Variants in CYP3A43 observed in about 807,000 individuals in gnomAD.
CYP3A43 encodes cytochrome P450 family 3 subfamily A member 43.
CYP3A43 carries 45 observed loss-of-function variants against 58.0 expected under a neutral mutation model. That is an observed-to-expected ratio of 0.78 (90% CI 0.61 to 0.99). The LOEUF (loss-of-function observed/expected upper bound fraction) is 0.99. Ranked by LOEUF, CYP3A43 falls within the 50% of genes least tolerant of loss-of-function variation. The pLI is 0.00. For missense variants in CYP3A43, 593 were observed against 591.9 expected (o/e 1.00, Z -0.02); for synonymous variants, 191 against 201.4 (o/e 0.95, Z 0.44).
At chr7:99,833,325 G>GGT (rs886246984) in intron 1 of CYP3A43, among the ~76,000 whole-genome samples, 3 of 140,294 alleles carry the variant, frequency 2.1e-5, no homozygotes, top group Admixed American at 6.8e-5. Flanking sequence ...TTTCGTGGGA[G>GGT]GGGGGAGATC....
chr7:99,855,413 C>G (rs753777520), intron 7 of CYP3A43, 178 bp from the exon 8 acceptor site: 2 of 707,464 alleles, frequency 2.8e-6, no homozygotes, highest in Non-Finnish European at 4.3e-6. Flanking sequence ...TCTTGCTCAG[C>G]CATTGGCATG....
At chr7:99,851,349 A>G (rs932346797) in intron 7 of CYP3A43, among the ~76,000 whole-genome samples, 6 of 152,198 alleles carry the variant, frequency 3.9e-5, no homozygotes, top group African/African-American at 1.4e-4. Flanking sequence ...GTTTTATAGT[A>G]GTAATTCCAT....
intron 7 of CYP3A43, among the ~76,000 whole-genome samples, chr7:99,850,726 C>T (rs1243684992): frequency 1.3e-5 from 2 of 152,214 alleles, no homozygotes; most frequent in Non-Finnish European, 2.9e-5. Context: ...TAATCTAGCA[C>T]ACATCATATA....
intron 4 of CYP3A43, among the ~76,000 whole-genome samples, chr7:99,846,716 T>G (rs530443725): frequency 3.9e-5 from 6 of 152,328 alleles, no homozygotes; most frequent in South Asian, 4.1e-4. Flanking sequence ...GAAGGTTTTT[T>G]GTATATATTT....
At chr7:99,855,760 A>G in intron 8 of CYP3A43, 42 bp downstream of exon 8, 1 of 1,553,360 alleles carries the variant, frequency 6.4e-7, no homozygotes, top group Non-Finnish European at 8.7e-7. Flanking sequence ...TCACTTTTTT[A>G]TTATATTTTT....
chr7:99,849,279 T>A (rs1462289688), intron 6 of CYP3A43, among the ~76,000 whole-genome samples: 1 of 152,230 alleles, frequency 6.6e-6, no homozygotes, highest in Non-Finnish European at 1.5e-5. Flanking sequence ...GATTATTGGG[T>A]CTGTGTCTCC....
At chr7:99,853,257 A>T (rs583353) in intron 7 of CYP3A43, among the ~76,000 whole-genome samples, 15,647 of 152,120 alleles carry the variant, frequency 0.1, 1,633 homozygotes, top group African/African-American at 0.27. Context: ...TTGATTACTG[A>T]TTCAATGCCT....
chr7:99,854,971 G>A (rs149298495), intron 7 of CYP3A43, among the ~76,000 whole-genome samples: 20 of 151,234 alleles, frequency 1.3e-4, no homozygotes, highest in South Asian at 1.0e-3. Flanking sequence ...TGCAACTTGC[G>A]CCTCCCTGGT....
intron 2 of CYP3A43, 65 bp downstream of exon 2, chr7:99,836,611 G>C: frequency 8.3e-7 from 1 of 1,205,992 alleles, no homozygotes; most frequent in African/African-American, 1.5e-5. Flanking sequence ...AGTCCTATCA[G>C]TAAAAATGCT....
intron 6 of CYP3A43, among the ~76,000 whole-genome samples, chr7:99,849,154 GTCAAATTTAT>G (rs1161348758): frequency 5.9e-5 from 9 of 152,224 alleles, no homozygotes; most frequent in Non-Finnish European, 1.2e-4. Context: ...GTCTGGCAAT[GTCAAATTTAT>G]TGATTGGCCG....
At position 99,866,041 on chromosome 7, in the gene CYP3A43, T is replaced by A; in HGVS notation, c.*40T>A. 7.6e-7 allele frequency: 1 copy of A among 1,323,754 alleles called. No homozygotes were observed. The highest frequency in any genetic ancestry group is 1.1e-6 in the Non-Finnish European group (1 of 940,482). 82.0% of individuals were successfully genotyped at this position (1,323,754 alleles called of 1,614,324 possible). A position where few individuals can be genotyped will look rare whatever the true frequency, so the allele number is the denominator to read the frequency against. On this transcript the variant is annotated 3_prime_UTR_variant, in exon 13 of 13. Transcript: ENST00000354829. ...TTCCACTTTGTTCAAGAAAGCTGTATCCCAGAACACTAGACACTTCAAATT... is the reference window on the plus strand; with the variant it reads ...TTCCACTTTGTTCAAGAAAGCTGTAACCCAGAACACTAGACACTTCAAATT...
chr7:99,864,372 T>G (rs1235388209), intron 12 of CYP3A43, among the ~76,000 whole-genome samples: 1 of 148,822 alleles, frequency 6.7e-6, no homozygotes, highest in Non-Finnish European at 1.5e-5. Context: ...ATACAAGCTG[T>G]GCATCTTTTC....
chr7:99,855,651 A>T lies in CYP3A43; in HGVS notation c.731A>T (p.Asp244Val). Residue 244 changes from aspartate (D) to valine (V), a missense_variant, in exon 8 of 13, where the codon GAT becomes GTT. Coordinates refer to ENST00000354829, the MANE Select transcript of CYP3A43 (RefSeq NM_057095.3). ...EALNIGLFPK[D>V]VTHFLKNSIE... is the part of the protein sequence containing the mutation. The stretch of plus-strand genomic sequence containing the variant: ...CTAAATATCGGTTTGTTTCCAAAAG[A>T]TGTTACCCATTTTTTAAAAAATTCC... The T allele has an allele frequency of 6.2e-7, 1 of 1,613,576 alleles. No homozygotes were observed. The highest frequency in any genetic ancestry group is 1.3e-5 in the African/African-American group (1 of 75,022).
chr7:99,855,962 A>C (rs1337720870), intron 8 of CYP3A43, among the ~76,000 whole-genome samples: 1 of 152,260 alleles, frequency 6.6e-6, no homozygotes, highest in Admixed American at 6.5e-5. Context: ...TAAATAATGT[A>C]GAGATAGAAG....
chr7:99,839,021 T>C (rs2151595782), intron 2 of CYP3A43, 99 bp from the exon 3 acceptor site: 3 of 1,359,014 alleles, frequency 2.2e-6, no homozygotes, highest in Non-Finnish European at 2.1e-6. Context: ...GCAAGCCTAA[T>C]GGTAGCAAGT....
At chr7:99,845,534 C>T (rs780322626) in intron 4 of CYP3A43, among the ~76,000 whole-genome samples, 3 of 151,894 alleles carry the variant, frequency 2.0e-5, no homozygotes, top group East Asian at 1.9e-4. Context: ...GTTGGCCAGG[C>T]GGGTCTCAAA....
Position 99,849,699 on chromosome 7 carries a change from G to T in CYP3A43, c.670+5G>T. 1 of 1,574,874 alleles carries T rather than the reference G, an allele frequency of 6.3e-7. No individual in the cohort carries two copies. Among genetic ancestry groups the T allele is most frequent in the Non-Finnish European group, 8.6e-7 (1 of 1,167,396 alleles). The stretch of plus-strand genomic sequence containing the variant: ...ATCCCTTTTTACTCTTAATATGTAT[G>T]TGGACTTTTATGTTATTTCTCTCTC... On this transcript the variant is annotated splice_donor_5th_base_variant and intron_variant, in intron 7 of 12. Coordinates refer to ENST00000354829, the MANE Select transcript of CYP3A43 (RefSeq NM_057095.3).
rs1156344087 is a variant in CYP3A43 at position 99,849,695 on chromosome 7, G to T, written c.670+1G>T. The stretch of plus-strand genomic sequence containing the variant: ...TTGGATCCCTTTTTACTCTTAATAT[G>T]TATGTGGACTTTTATGTTATTTCTC... On this transcript the variant is annotated splice_donor_variant, in intron 7 of 12. Transcript: ENST00000354829. LOFTEE classifies it high-confidence loss of function. The T allele has an allele frequency of 6.3e-7, 1 of 1,579,214 alleles. No individual in the cohort carries two copies. The highest frequency in any genetic ancestry group is 8.6e-7 in the Non-Finnish European group (1 of 1,168,418).
chr7:99,843,813 AG>A (rs1046892839), intron 3 of CYP3A43, among the ~76,000 whole-genome samples: 97 of 152,324 alleles, frequency 6.4e-4, no homozygotes, highest in African/African-American at 2.1e-3. Flanking sequence ...AGAATGGTAT[AG>A]GGAATGCCCA....
Sources: gnomAD v4.1 joint callset for allele counts (sites outside exome capture counted in the v4.1 genomes callset) on GRCh38, gnomAD v4.1.1 for gene constraint, MANE v1.5 for transcripts, NCBI Gene and HGNC (gene_info 2026-07-23, HGNC 2026-07-21) for gene names.